The following CDH12 variants were observed in gnomAD, a reference collection of about 807,000 sequenced individuals.
The protein encoded by CDH12 is cadherin-12.
In CDH12, 41 loss-of-function variants were observed where a neutral mutation model predicts 74.1. That is an observed-to-expected ratio of 0.55 (90% CI 0.43 to 0.72). The LOEUF (loss-of-function observed/expected upper bound fraction) is 0.72, where lower values mean the gene tolerates loss of function less well. Ranked by LOEUF, CDH12 falls within the 30% of genes least tolerant of loss-of-function variation. The pLI, the probability that CDH12 is intolerant of heterozygous loss-of-function variation, is 0.00. For synonymous variants in CDH12, 399 were observed against 355.0 expected (o/e 1.12, Z -1.39); for missense variants, 945 against 977.2 (o/e 0.97, Z 0.44).
chr5:22,807,726 A>C (rs1748889324), intron 1 of CDH12, among the ~76,000 whole-genome samples: 2 of 152,226 alleles, frequency 1.3e-5, no homozygotes, highest in South Asian at 4.1e-4. Flanking sequence ...ACTTGTGTAT[A>C]TAAACATACC....
At chr5:22,345,201 A>T (rs2968270) in intron 3 of CDH12, among the ~76,000 whole-genome samples, 89,023 of 150,822 alleles carry the variant, frequency 0.59, 26,944 homozygotes, top group South Asian at 0.76. Context: ...TAGATTTTTT[A>T]TTTTCTTTTG....
chr5:21,804,385 A>AT (rs1747310367), intron 9 of CDH12, among the ~76,000 whole-genome samples: 1 of 152,170 alleles, frequency 6.6e-6, no homozygotes. Flanking sequence ...CAGACTCAAG[A>AT]AAAGACAACT....
intron 3 of CDH12, among the ~76,000 whole-genome samples, chr5:22,273,806 G>A (rs539398479): frequency 6.6e-6 from 1 of 152,074 alleles, no homozygotes; most frequent in African/African-American, 2.4e-5. Context: ...TCCTTATTGC[G>A]CCTACTCATG....
intron 5 of CDH12, among the ~76,000 whole-genome samples, chr5:22,029,952 T>C (rs1254217221): frequency 6.6e-6 from 1 of 152,018 alleles, no homozygotes; most frequent in Non-Finnish European, 1.5e-5. Flanking sequence ...GATGAGTTCA[T>C]GTCCTTTGTA....
chr5:22,805,763 C>A (rs1748750068), intron 1 of CDH12, among the ~76,000 whole-genome samples: 1 of 152,078 alleles, frequency 6.6e-6, no homozygotes, highest in Non-Finnish European at 1.5e-5. Flanking sequence ...CAACCATCAA[C>A]CCATCATCTA....
At chr5:21,826,997 G>A (rs1748710032) in intron 8 of CDH12, among the ~76,000 whole-genome samples, 3 of 152,118 alleles carry the variant, frequency 2.0e-5, no homozygotes, top group Admixed American at 6.6e-5. Context: ...CCTATATCAA[G>A]CTACTATCGT....
At chr5:22,372,124 A>T (rs1741319082) in intron 3 of CDH12, among the ~76,000 whole-genome samples, 1 of 152,206 alleles carries the variant, frequency 6.6e-6, no homozygotes, top group South Asian at 2.1e-4. Context: ...GTACTGATGA[A>T]GAAAATGCTA....
intron 3 of CDH12, among the ~76,000 whole-genome samples, chr5:22,264,023 A>G (rs985295343): frequency 2.8e-4 from 43 of 151,952 alleles, no homozygotes; most frequent in African/African-American, 1.0e-3. Flanking sequence ...GCTATTTCCC[A>G]TCATTTTTTT....
intron 1 of CDH12, among the ~76,000 whole-genome samples, chr5:22,821,337 C>T (rs534240746): frequency 2.0e-5 from 3 of 152,210 alleles, no homozygotes; most frequent in South Asian, 4.1e-4. Flanking sequence ...GACAGGGATG[C>T]CCTCTCTCAC....
chr5:21,814,960 T>A (rs1747963524), intron 9 of CDH12, among the ~76,000 whole-genome samples: 2 of 151,984 alleles, frequency 1.3e-5, no homozygotes, highest in East Asian at 3.9e-4. Flanking sequence ...GTAAAGTTGA[T>A]AAGAATTTGA....
intron 1 of CDH12, among the ~76,000 whole-genome samples, chr5:22,559,452 C>T (rs1398174800): frequency 6.6e-6 from 1 of 151,970 alleles, no homozygotes; most frequent in East Asian, 1.9e-4. Context: ...CATGAACATA[C>T]ATCAGAAATA....
At chr5:21,952,288 G>A (rs569148441) in intron 6 of CDH12, among the ~76,000 whole-genome samples, 1 of 152,214 alleles carries the variant, frequency 6.6e-6, no homozygotes, top group Non-Finnish European at 1.5e-5. Context: ...AGGCCTGAGT[G>A]TTCTTAGGTA....
chr5:22,069,697 G>A (rs1053267056), intron 5 of CDH12, among the ~76,000 whole-genome samples: 1 of 152,088 alleles, frequency 6.6e-6, no homozygotes, highest in Non-Finnish European at 1.5e-5. Flanking sequence ...AAATTACTGT[G>A]CTGTCTGGGG....
intron 3 of CDH12, among the ~76,000 whole-genome samples, chr5:22,237,046 A>C (rs984022097): frequency 2.0e-5 from 3 of 152,080 alleles, no homozygotes; most frequent in African/African-American, 7.2e-5. Flanking sequence ...TAGCATAGTC[A>C]TTTATTATCC....
intron 8 of CDH12, among the ~76,000 whole-genome samples, chr5:21,833,338 ATATAACATATAATATATATTATAT>A (rs1749312883): frequency 1.6e-5 from 1 of 63,416 alleles, no homozygotes; most frequent in Non-Finnish European, 2.3e-5. Flanking sequence ...ATTATATATT[ATATAACATATAATATATATTATAT>A]ATTATATAGT....
intron 8 of CDH12, among the ~76,000 whole-genome samples, chr5:21,828,908 C>CTTTTTTTT (rs70957070): frequency 8.4e-6 from 1 of 119,280 alleles, no homozygotes; most frequent in African/African-American, 3.4e-5. Flanking sequence ...AATCCTATGT[C>CTTTTTTTT]TTTTTTTTTT....
intron 3 of CDH12, among the ~76,000 whole-genome samples, chr5:22,247,676 A>AT (rs1752999069): frequency 6.6e-6 from 1 of 151,374 alleles, no homozygotes; most frequent in Non-Finnish European, 1.5e-5. Flanking sequence ...CTCCGTCAAA[A>AT]AAAAAGAAAA....
intron 1 of CDH12, among the ~76,000 whole-genome samples, chr5:22,743,748 A>T (rs541018060): frequency 1.3e-5 from 2 of 152,116 alleles, no homozygotes; most frequent in African/African-American, 4.8e-5. Flanking sequence ...TGGCATAGCA[A>T]TTTTTTTCTC....
chr5:22,579,613 T>A (rs4701289), intron 1 of CDH12, among the ~76,000 whole-genome samples: 6,731 of 150,340 alleles, frequency 0.045, 209 homozygotes, highest in Middle Eastern at 0.078. Context: ...ATACCCTAAT[T>A]TTCTTTTCTT....
Sources: allele counts gnomAD v4.1 joint callset (sites outside exome capture counted in the v4.1 genomes callset), GRCh38; gene constraint gnomAD v4.1.1; transcripts MANE v1.5; gene names NCBI Gene and HGNC (gene_info 2026-07-23, HGNC 2026-07-21).